FBH1: variants seen among roughly 807,000 people sequenced by gnomAD.
FBH1 encodes the protein DNA 3'-5' helicase 1.
Under a neutral mutation model 115.5 loss-of-function variants are expected in FBH1, and 43 were observed. That is an observed-to-expected ratio of 0.37 (90% CI 0.29 to 0.48). The LOEUF (loss-of-function observed/expected upper bound fraction) is 0.48. Among genes scored for constraint, FBH1 ranks in the 20% least tolerant of loss-of-function variants. The pLI is 0.99. For synonymous variants in FBH1, 524 were observed against 507.8 expected (o/e 1.03, Z -0.43); for missense variants, 1,001 against 1,337.3 (o/e 0.75, Z 3.92).
rs1406815771 is a variant in FBH1, at chr10:5,937,555, T to C, written c.*275T>C. The C allele has an allele frequency of 3.8e-6, 1 of 265,626 alleles. No individual in the cohort carries two copies. The highest frequency in any genetic ancestry group is 7.0e-6 in the Non-Finnish European group (1 of 143,366). 16.5% of individuals were successfully genotyped at this position (265,626 alleles called of 1,614,324 possible). Reference sequence around the variant, plus strand: ...AAAAATTTATGTATTTAAACTTTTATTACAAGATTTCAATTAAACAGGCAC... The same window carrying C: ...AAAAATTTATGTATTTAAACTTTTACTACAAGATTTCAATTAAACAGGCAC... On this transcript the variant is annotated 3_prime_UTR_variant, in exon 21 of 21. Transcript: ENST00000362091.
In FBH1 at chr10:5,897,032, A is replaced by C. The variant is rs1374948098; in HGVS notation, c.2-5988A>C. Reference sequence around the variant, plus strand: ...AATTCTAGTGTAGTGTTTTGGTTTTATTTTTAACCATTTAGCAAGAACATT... The same window carrying C: ...AATTCTAGTGTAGTGTTTTGGTTTTCTTTTTAACCATTTAGCAAGAACATT... On this transcript the variant is annotated intron_variant, in intron 1 of 20. Transcript: ENST00000362091. The surrounding 1 kb of genome is among the most constrained non-coding windows in gnomAD (Gnocchi z 4.7). Among the ~76,000 whole-genome samples, 1 of 152,166 alleles carries C rather than the reference A, an allele frequency of 6.6e-6. No individual in the cohort carries two copies. Among genetic ancestry groups the C allele is most frequent in the Non-Finnish European group, 1.5e-5 (1 of 68,028 alleles).
Position 5,913,862 on chromosome 10 carries a change from G to A in FBH1, c.1304+23G>A, listed in dbSNP as rs73616444. ...AGGGTATGTGTATATGTGCGTCAGC[G>A]TGTGTTTTGTCTTCTGTCGACTCTT... is the stretch of plus-strand genomic sequence containing the variant. On this transcript the variant is annotated intron_variant, in intron 7 of 20. Transcript: ENST00000362091. This position sits in a 1 kb window ranked among gnomAD's most constrained non-coding sequence, Gnocchi z 4.4. 409 of 1,549,040 alleles carry A rather than the reference G, an allele frequency of 2.6e-4. 2 individuals are homozygous for A. In the African/African-American group the frequency reaches 4.9e-3, roughly 19 times the overall value.
rs1198930732 is a variant in FBH1 at position 5,924,138 on chromosome 10, C to T, written c.2399-173C>T. The T allele has an allele frequency of 3.5e-5, 22 of 636,420 alleles. 1 individual carries two copies. In the Admixed American group the frequency reaches 5.8e-4, roughly 17 times the overall value. 39.4% of individuals were successfully genotyped at this position (636,420 alleles called of 1,614,324 possible). A position where few individuals can be genotyped will look rare whatever the true frequency, so the allele number is the denominator to read the frequency against. The stretch of plus-strand genomic sequence containing the variant: ...CGGAGACGGAGAGGCTACTGCACTG[C>T]ACTGACTTGCCCAGGGACACACAGC... On this transcript the variant is annotated intron_variant, in intron 16 of 20. Transcript: ENST00000362091. The surrounding 1 kb of genome is among the most constrained non-coding windows in gnomAD (Gnocchi z 6.2).
In FBH1 at chr10:5,936,416, G is replaced by T; in HGVS notation, c.2830-40G>T. On this transcript the variant is annotated intron_variant, in intron 19 of 20. Coordinates refer to ENST00000362091, the MANE Select transcript of FBH1 (RefSeq NM_178150.3). This position sits in a 1 kb window ranked among gnomAD's most constrained non-coding sequence, Gnocchi z 5.6. ...AGTGTTTCCAGTAGACCCTAACGGA[G>T]GTGTCGCCATGACTCTCTTTCTCGC... 3.1e-6 allele frequency: 5 copies of T among 1,606,394 alleles called. No individual in the cohort carries two copies. The highest frequency in any genetic ancestry group is 4.3e-6 in the Non-Finnish European group (5 of 1,176,112).
intron 3 of FBH1, among the ~76,000 whole-genome samples, chr10:5,908,606 C>CTT (rs962734844): frequency 2.1e-5 from 3 of 143,974 alleles, no homozygotes; most frequent in African/African-American, 5.1e-5. Context: ...TTTTTTCTTT[C>CTT]TTTTTTTTTT....
In FBH1 at chr10:5,931,599, G is replaced by A. The variant is rs1053605985; in HGVS notation, c.2829+4058G>A. 2.6e-5 allele frequency among the ~76,000 whole-genome samples: 4 copies of A among 152,096 alleles called. No homozygotes were observed. The highest frequency in any genetic ancestry group is 5.9e-5 in the Non-Finnish European group (4 of 68,026). On this transcript the variant is annotated intron_variant, in intron 19 of 20. Transcript: ENST00000362091. The surrounding 1 kb of genome is among the most constrained non-coding windows in gnomAD (Gnocchi z 4.3). ...AAAAATAATATTCAAAATAATGCCA[G>A]TATTAATGGAATACTGACTGGACTT...
chr10:5,932,712 GTTGTT>G lies in FBH1; in HGVS notation c.2830-3726_2830-3722del, dbSNP rs930392503. ...AGATAAATGCAAGTGTGACTTTTCTGTTGTTTTGTTTTGTTTTGTTTTTGAGACAA... is the reference window on the plus strand; with the variant it reads ...AGATAAATGCAAGTGTGACTTTTCTGTTGTTTTGTTTTGTTTTTGAGACAA... On this transcript the variant is annotated intron_variant, in intron 19 of 20. Transcript: ENST00000362091. The surrounding 1 kb of genome is among the most constrained non-coding windows in gnomAD (Gnocchi z 5.9). 3.3e-5 allele frequency among the ~76,000 whole-genome samples: 5 copies of G among 152,056 alleles called. No homozygotes were observed. The highest frequency in any genetic ancestry group is 9.7e-5 in the African/African-American group (4 of 41,396).
chr10:5,911,258 G>C lies in FBH1; in HGVS notation c.1211+130G>C, dbSNP rs1831572474. On this transcript the variant is annotated intron_variant, in intron 6 of 20. Transcript: ENST00000362091. The surrounding 1 kb of genome is among the most constrained non-coding windows in gnomAD (Gnocchi z 5.4). Reference sequence around the variant, plus strand: ...TGTGGGACCCACCTGCTCCACCTCAGTGTCATCTTCTGCAGGAGCCAGGGG... The same window carrying C: ...TGTGGGACCCACCTGCTCCACCTCACTGTCATCTTCTGCAGGAGCCAGGGG... The C allele has an allele frequency of 1.2e-6, 1 of 863,316 alleles. No individual in the cohort carries two copies. The highest frequency in any genetic ancestry group is 2.6e-5 in the East Asian group (1 of 38,358). The allele number at this position is 863,316 out of a possible 1,614,324, so 53.5% of individuals were successfully genotyped here. A position where few individuals can be genotyped will look rare whatever the true frequency, so the allele number is the denominator to read the frequency against.
Position 5,918,566 on chromosome 10 carries a change from A to G in FBH1, c.2100+88A>G, listed in dbSNP as rs1482132423. 3 of 1,420,526 alleles carry G rather than the reference A, an allele frequency of 2.1e-6. No individual in the cohort carries two copies. In the African/African-American group the frequency reaches 4.4e-5, roughly 21 times the overall value. 88.0% of individuals were successfully genotyped at this position (1,420,526 alleles called of 1,614,324 possible). ...CTGTGAAAGGTGGTATGCCAGGCTCACCAGATCTAGCAAATCCTTGCTTCT... is the reference window on the plus strand; with the variant it reads ...CTGTGAAAGGTGGTATGCCAGGCTCGCCAGATCTAGCAAATCCTTGCTTCT... On this transcript the variant is annotated intron_variant, in intron 13 of 20. Transcript: ENST00000362091. This position sits in a 1 kb window ranked among gnomAD's most constrained non-coding sequence, Gnocchi z 4.0.
At chr10:5,916,551 AGGGGTCTGAGGATGGGGAAACAGGGGAAG>A in intron 10 of FBH1, 95 bp downstream of exon 10, 1 of 944,394 alleles carries the variant, frequency 1.1e-6, no homozygotes, top group Non-Finnish European at 1.5e-6. Context: ...GGGAAGTGTT[AGGGGTCTGAGGATGGGGAAACAGGGGAAG>A]TGTTAGGGGT....
At position 5,917,955 on chromosome 10, in the gene FBH1, C is replaced by T. The variant is rs1832075025; in HGVS notation, c.1963+279C>T. Among the ~76,000 whole-genome samples the T allele has an allele frequency of 1.3e-5, 2 of 152,136 alleles. No homozygotes were observed. The highest frequency in any genetic ancestry group is 4.1e-4 in the South Asian group (2 of 4,834). ...TCATGCTCTGTGGGAAGAGATCGTC[C>T]ATTGACAGGGAAAAGCTTGTGTTGT... On this transcript the variant is annotated intron_variant, in intron 12 of 20. Coordinates refer to ENST00000362091, the MANE Select transcript of FBH1 (RefSeq NM_178150.3). The surrounding 1 kb of genome is among the most constrained non-coding windows in gnomAD (Gnocchi z 5.6).
At position 5,910,732 on chromosome 10, in the gene FBH1, A is replaced by T. The variant is rs1312002552; in HGVS notation, c.1021-206A>T. Among the ~76,000 whole-genome samples, 9 of 152,236 alleles carry T rather than the reference A, an allele frequency of 5.9e-5. No homozygotes were observed. Among genetic ancestry groups the T allele is most frequent in the Non-Finnish European group, 1.3e-4 (9 of 68,044 alleles). On this transcript the variant is annotated intron_variant, in intron 5 of 20. Transcript: ENST00000362091. This position sits in a 1 kb window ranked among gnomAD's most constrained non-coding sequence, Gnocchi z 4.8. ...TTAATTAAAGAAAACTAAGATCTCA[A>T]ATCCAAAAGTGATGAGAAGGAGTCC...
intron 1 of FBH1, chr10:5,894,464 G>C (rs750660366): frequency 7.1e-7 from 1 of 1,408,242 alleles, no homozygotes; most frequent in Non-Finnish European, 1.0e-6. Flanking sequence ...CAGGAGACCC[G>C]GGTTCTTGTG....
intron 1 of FBH1, chr10:5,894,107 T>C (rs1313959893): frequency 3.0e-6 from 3 of 985,284 alleles, no homozygotes; most frequent in Non-Finnish European, 3.6e-6. Context: ...CTGGGAACTT[T>C]TGGATTTCTG....
rs779706106 is a variant in FBH1 at position 5,923,601 on chromosome 10, C to G, written c.2323-20C>G. 1.3e-6 allele frequency: 2 copies of G among 1,598,480 alleles called. No homozygotes were observed. Among genetic ancestry groups the G allele is most frequent in the African/African-American group, 2.7e-5 (2 of 73,930 alleles). On this transcript the variant is annotated intron_variant, in intron 15 of 20. Coordinates refer to ENST00000362091, the MANE Select transcript of FBH1 (RefSeq NM_178150.3). This position sits in a 1 kb window ranked among gnomAD's most constrained non-coding sequence, Gnocchi z 5.7. The stretch of plus-strand genomic sequence containing the variant: ...AAAAAACAACAAAAAAACAAAAATC[C>G]CACCAAAAAACTTTTTCAGGGGATT...
rs755787809 is a variant in FBH1, at chr10:5,914,750, G to C, written c.1396+481G>C. Reference sequence around the variant, plus strand: ...CCACTCACAGCCTCCTGAAGTACTTGGTTACTCTTTCATCACAGCCTTTGC... The same window carrying C: ...CCACTCACAGCCTCCTGAAGTACTTCGTTACTCTTTCATCACAGCCTTTGC... On this transcript the variant is annotated intron_variant, in intron 8 of 20. Transcript: ENST00000362091. The surrounding 1 kb of genome is among the most constrained non-coding windows in gnomAD (Gnocchi z 5.2). Among the ~76,000 whole-genome samples the C allele has an allele frequency of 7.2e-5, 11 of 152,118 alleles. No homozygotes were observed. The highest frequency in any genetic ancestry group is 1.6e-4 in the Non-Finnish European group (11 of 68,036).
At chr10:5,902,021 A>G (rs1843376789) in intron 1 of FBH1, among the ~76,000 whole-genome samples, 1 of 152,224 alleles carries the variant, frequency 6.6e-6, no homozygotes, top group Non-Finnish European at 1.5e-5. Context: ...ATACAAAACC[A>G]AGTATTTCAG....
At chr10:5,928,147 TC>T (rs1418673967) in intron 19 of FBH1, among the ~76,000 whole-genome samples, 1 of 126,712 alleles carries the variant, frequency 7.9e-6, no homozygotes, top group Admixed American at 9.1e-5. Context: ...CTCAATTAGT[TC>T]TTTTTTTTTT....
chr10:5,930,793 A>T (rs916855975), intron 19 of FBH1, among the ~76,000 whole-genome samples: 1 of 152,224 alleles, frequency 6.6e-6, no homozygotes, highest in African/African-American at 2.4e-5. Flanking sequence ...TCTGTTGCCT[A>T]GGCTTTAGTG....
Sources: allele counts gnomAD v4.1 joint callset (sites outside exome capture counted in the v4.1 genomes callset), GRCh38; gene constraint gnomAD v4.1.1; non-coding constraint Gnocchi (gnomAD v3.1); transcripts MANE v1.5; gene names NCBI Gene and HGNC (gene_info 2026-07-23, HGNC 2026-07-21).